FRAS1: variants seen among roughly 807,000 people sequenced by gnomAD.
FRAS1 encodes extracellular matrix organizing protein FRAS1.
A neutral mutation model predicts 435.2 loss-of-function variants in FRAS1; 290 were observed. That is an observed-to-expected ratio of 0.67 (90% CI 0.61 to 0.73). The LOEUF (loss-of-function observed/expected upper bound fraction) is 0.73. FRAS1 is among the 30% of genes least tolerant of loss of function. The probability of loss-of-function intolerance (pLI) is 0.00; values close to 1 mark genes in which losing one functional copy is unlikely to be tolerated. For missense variants in FRAS1, 4,860 were observed against 5,001.5 expected (o/e 0.97, Z 0.85); for synonymous variants, 1,800 against 1,851.0 (o/e 0.97, Z 0.71).
chr4:78,444,015 A>G, intron 41 of FRAS1: 4 of 344,876 alleles, frequency 1.2e-5, no homozygotes, highest in South Asian at 8.9e-5. Flanking sequence ...TGCCTGGCAA[A>G]TTTTTGGTGG....
chr4:78,453,415 T>C (rs1260360483), intron 47 of FRAS1, among the ~76,000 whole-genome samples: 2 of 152,102 alleles, frequency 1.3e-5, no homozygotes, highest in African/African-American at 4.8e-5. Flanking sequence ...GTTGGTTGAA[T>C]GAAGGATGGA....
At chr4:78,521,723 C>A in intron 68 of FRAS1, 93 bp downstream of exon 68, 1 of 740,850 alleles carries the variant, frequency 1.3e-6, no homozygotes, top group South Asian at 1.7e-5. Flanking sequence ...AAAAAACAGT[C>A]AACAATGATT....
At chr4:78,191,532 T>A (rs994094110) in intron 2 of FRAS1, among the ~76,000 whole-genome samples, 6 of 36,560 alleles carry the variant, frequency 1.6e-4, no homozygotes, top group African/African-American at 3.6e-4. Context: ...TTGTATTATT[T>A]TCTTTTTTTT....
chr4:78,103,542 C>T lies in FRAS1; in HGVS notation c.108+37526C>T, dbSNP rs535304425. ...ATTATAGTTTGCTATGGTTTGAATG[C>T]TTGTGTCCCTCCAGAATTCAGATGT... On this transcript the variant is annotated intron_variant, in intron 2 of 73. Transcript: ENST00000512123. Among the ~76,000 whole-genome samples, 16 of 152,264 alleles carry T rather than the reference C, an allele frequency of 1.1e-4. No individual in the cohort carries two copies. In the East Asian group the frequency reaches 2.9e-3, roughly 28 times the overall value.
chr4:78,132,262 C>T (rs942522159), intron 2 of FRAS1, among the ~76,000 whole-genome samples: 5 of 152,208 alleles, frequency 3.3e-5, no homozygotes, highest in Non-Finnish European at 7.3e-5. Flanking sequence ...AAAAAAATAA[C>T]CACATTCCTA....
intron 2 of FRAS1, among the ~76,000 whole-genome samples, chr4:78,130,403 C>T (rs1210670049): frequency 6.6e-6 from 1 of 152,126 alleles, no homozygotes; most frequent in Non-Finnish European, 1.5e-5. Flanking sequence ...TTTAATAGTA[C>T]TGATCACAAA....
chr4:78,408,488 G>GA (rs997985727), intron 31 of FRAS1, among the ~76,000 whole-genome samples: 2 of 151,088 alleles, frequency 1.3e-5, no homozygotes, highest in East Asian at 1.9e-4. Flanking sequence ...ACTATATGGA[G>GA]AAAAAAAAAT....
At chr4:78,261,484 T>C (rs909667196) in intron 6 of FRAS1, among the ~76,000 whole-genome samples, 1 of 151,980 alleles carries the variant, frequency 6.6e-6, no homozygotes, top group Non-Finnish European at 1.5e-5. Context: ...TAAACGGGAG[T>C]AGCAGGAAAA....
At chr4:78,227,117 A>T (rs1161534568) in intron 2 of FRAS1, among the ~76,000 whole-genome samples, 1 of 152,216 alleles carries the variant, frequency 6.6e-6, no homozygotes, top group Non-Finnish European at 1.5e-5. Context: ...TTCTGAATAA[A>T]ATACAGTACA....
At chr4:78,502,280 A>G (rs1720708390) in intron 61 of FRAS1, among the ~76,000 whole-genome samples, 1 of 152,130 alleles carries the variant, frequency 6.6e-6, no homozygotes, top group African/African-American at 2.4e-5. Flanking sequence ...CTTGATCGGG[A>G]TGGCATTGTA....
At position 78,363,687 on chromosome 4, in the gene FRAS1, G is replaced by C. The variant is rs75472297; in HGVS notation, c.2575+22G>C. 7.9e-3 allele frequency: 12,313 copies of C among 1,564,024 alleles called. 850 individuals are homozygous for C. The African/African-American group carries it at 0.14, about 18-fold the overall frequency. ...AAAAGTGAGTAAGTGCTGGACTCAG[G>C]AGCTGGAGCTGCCACCTGAGGTTCT... On this transcript the variant is annotated intron_variant, in intron 21 of 73. Transcript: ENST00000512123.
intron 20 of FRAS1, among the ~76,000 whole-genome samples, chr4:78,363,250 AC>A (rs1305032872): frequency 6.6e-6 from 1 of 152,040 alleles, no homozygotes; most frequent in African/African-American, 2.4e-5. Context: ...ATCACGTGAC[AC>A]CCTCGTATCT....
intron 59 of FRAS1, among the ~76,000 whole-genome samples, chr4:78,492,918 G>A (rs1469752857): frequency 6.6e-6 from 1 of 152,058 alleles, no homozygotes; most frequent in Non-Finnish European, 1.5e-5. Flanking sequence ...TCTGACAAAG[G>A]GCTAATATCC....
At chr4:78,336,187 T>C (rs1730164900) in intron 19 of FRAS1, among the ~76,000 whole-genome samples, 1 of 152,160 alleles carries the variant, frequency 6.6e-6, no homozygotes, top group Admixed American at 6.5e-5. Flanking sequence ...GTTCTGGAAT[T>C]CTTTGCCTTT....
At chr4:78,094,466 T>A (rs942145445) in intron 2 of FRAS1, among the ~76,000 whole-genome samples, 2 of 151,992 alleles carry the variant, frequency 1.3e-5, no homozygotes, top group African/African-American at 4.8e-5. Flanking sequence ...ATTAAATATA[T>A]TTTTGGATTT....
At chr4:78,175,381 C>T (rs565905074) in intron 2 of FRAS1, among the ~76,000 whole-genome samples, 18 of 152,254 alleles carry the variant, frequency 1.2e-4, no homozygotes, top group South Asian at 4.1e-4. Flanking sequence ...CTGTGTGCCC[C>T]GGTAAGGAGG....
intron 53 of FRAS1, 22 bp from the exon 54 acceptor site, chr4:78,475,416 A>G (rs1192590351): frequency 3.7e-6 from 6 of 1,613,716 alleles, no homozygotes; most frequent in Non-Finnish European, 5.1e-6. Context: ...AGTTTAAGAG[A>G]TGCCTTTTTG....
chr4:78,472,047 A>G (rs1357106414), intron 51 of FRAS1, 133 bp from the exon 52 acceptor site: 3 of 927,008 alleles, frequency 3.2e-6, no homozygotes, highest in East Asian at 2.6e-5. Context: ...AGCCTCTCCA[A>G]TCCTGACAGA....
At chr4:78,367,348 G>T (rs1487499608) in intron 22 of FRAS1, among the ~76,000 whole-genome samples, 1 of 151,632 alleles carries the variant, frequency 6.6e-6, no homozygotes, top group Non-Finnish European at 1.5e-5. Context: ...GCTACAGTGA[G>T]CTGTGTTCAT....
Sources: allele counts gnomAD v4.1 joint callset (sites outside exome capture counted in the v4.1 genomes callset), GRCh38; gene constraint gnomAD v4.1.1; transcripts MANE v1.5; gene names NCBI Gene and HGNC (gene_info 2026-07-23, HGNC 2026-07-21).